The following MACF1 variants were observed in gnomAD, a reference collection of about 807,000 sequenced individuals.
The protein encoded by MACF1 is microtubule actin crosslinking factor 1.
MACF1 carries 193 observed loss-of-function variants against 854.8 expected under a neutral mutation model. The ratio of observed to expected loss-of-function variants is 0.23; its 90% CI spans 0.20 to 0.25. The LOEUF is 0.25. MACF1 is among the 10% of genes least tolerant of loss of function. The probability of loss-of-function intolerance (pLI) is 1.00; values close to 1 mark genes in which losing one functional copy is unlikely to be tolerated. For synonymous variants in MACF1, 3,185 were observed against 3,226.7 expected (o/e 0.99, Z 0.44); for missense variants, 7,722 against 8,929.1 (o/e 0.86, Z 5.45).
At chr1:39,211,806 G>T (rs900806133) in intron 1 of MACF1, among the ~76,000 whole-genome samples, 4 of 151,892 alleles carry the variant, frequency 2.6e-5, no homozygotes, top group Non-Finnish European at 4.4e-5. Flanking sequence ...GCTTGAACCC[G>T]AGAGGCAGAG....
intron 40 of MACF1, 39 bp from the exon 41 acceptor site, chr1:39,346,938 G>A (rs1236758422): frequency 7.6e-7 from 1 of 1,318,656 alleles, no homozygotes; most frequent in East Asian, 2.3e-5. Context: ...GAAGTATCAT[G>A]GTTTTTTGTG....
In MACF1 at chr1:39,318,484, C is replaced by T. The variant is rs761094407; in HGVS notation, c.3814C>T (p.Leu1272=). 1 of 1,613,932 alleles carries T rather than the reference C, an allele frequency of 6.2e-7. No individual in the cohort carries two copies. Among genetic ancestry groups the T allele is most frequent in the South Asian group, 1.1e-5 (1 of 91,052 alleles). The change falls in exon 30 of 101, where the codon CTG becomes TTG. Residue 1272 remains leucine, a synonymous_variant. Coordinates refer to ENST00000564288, the MANE Select transcript of MACF1 (RefSeq NM_001394062.1). ...TGAGCTAGAAAGTATCCAGGAAGTTCTGGGAGATTACCGAGCCTGCCATGG... is the reference window on the plus strand; with the variant it reads ...TGAGCTAGAAAGTATCCAGGAAGTTTTGGGAGATTACCGAGCCTGCCATGG... ...QSELESIQEV[L]GDYRACHGTL...
chr1:39,281,013 T>A (rs927818472), intron 6 of MACF1, among the ~76,000 whole-genome samples: 3 of 152,196 alleles, frequency 2.0e-5, no homozygotes, highest in Admixed American at 6.5e-5. Flanking sequence ...AACCCTGAGT[T>A]TGGGTTAGGT....
At chr1:39,192,852 C>T (rs1231370935) in intron 2 of MACF1, among the ~76,000 whole-genome samples, 1 of 152,156 alleles carries the variant, frequency 6.6e-6, no homozygotes, top group African/African-American at 2.4e-5. Context: ...GGGCGAAGCG[C>T]AGTGGCTCAT....
chr1:39,311,015 C>T lies in MACF1; in HGVS notation c.3270+15C>T. ...CAGAGCAAGAGGTAAGCCCTAAGAG[C>T]CATGTGGATGCTGGTTGTGGAGTGA... On this transcript the variant is annotated intron_variant, in intron 26 of 100. Coordinates refer to ENST00000564288, the MANE Select transcript of MACF1 (RefSeq NM_001394062.1). 1 of 1,604,598 alleles carries T rather than the reference C, an allele frequency of 6.2e-7. No homozygotes were observed. Among genetic ancestry groups the T allele is most frequent in the Non-Finnish European group, 8.5e-7 (1 of 1,175,722 alleles).
chr1:39,477,329 A>G (rs1395854534), intron 97 of MACF1, among the ~76,000 whole-genome samples: 2 of 151,738 alleles, frequency 1.3e-5, no homozygotes, highest in South Asian at 2.1e-4. Flanking sequence ...GGCTCAAGCA[A>G]TCCTCCCACC....
chr1:39,455,617 T>C (rs1048719845), intron 89 of MACF1, among the ~76,000 whole-genome samples: 10 of 152,164 alleles, frequency 6.6e-5, no homozygotes, highest in African/African-American at 2.4e-4. Flanking sequence ...GGGGATTACA[T>C]AGAGTGTGCA....
rs534856376 is a variant in MACF1 at position 39,340,947 on chromosome 1, G to A, written c.10575G>A (p.Gln3525=). 1.9e-6 allele frequency: 3 copies of A among 1,602,428 alleles called. No individual in the cohort carries two copies. Among genetic ancestry groups the A allele is most frequent in the African/African-American group, 1.3e-5 (1 of 74,338 alleles). The change falls in exon 40 of 101, where the codon CAG becomes CAA. Residue 3525 remains glutamine, a synonymous_variant. Transcript: ENST00000564288. ...DVDSLNLCLQ[Q]YEDLKQPMAE... is the part of the protein sequence containing the mutation. ...ACAGCCTGAACCTCTGCCTCCAACA[G>A]TATGAGGTAAACTCAAGCACATTTT...
chr1:39,479,245 C>A (rs1326620805), intron 97 of MACF1, among the ~76,000 whole-genome samples: 2 of 152,184 alleles, frequency 1.3e-5, no homozygotes, highest in Non-Finnish European at 2.9e-5. Context: ...TCCCCACCGA[C>A]ATGTTTACTT....
intron 2 of MACF1, among the ~76,000 whole-genome samples, chr1:39,160,765 T>C (rs1643782176): frequency 1.3e-5 from 2 of 152,206 alleles, no homozygotes; most frequent in Non-Finnish European, 2.9e-5. Context: ...GGCAGAGAGT[T>C]AGATACAAAC....
chr1:39,190,977 A>G (rs1007600054), intron 2 of MACF1, among the ~76,000 whole-genome samples: 1 of 152,144 alleles, frequency 6.6e-6, no homozygotes, highest in African/African-American at 2.4e-5. Context: ...TGAGTGACAG[A>G]GTGAGACTGT....
intron 60 of MACF1, among the ~76,000 whole-genome samples, chr1:39,423,565 G>A (rs989268160): frequency 2.7e-5 from 4 of 150,900 alleles, no homozygotes; most frequent in Admixed American, 6.6e-5. Flanking sequence ...AACCTGGGAG[G>A]CGGAGCTTGC....
At chr1:39,154,894 C>T (rs973537386) in intron 2 of MACF1, among the ~76,000 whole-genome samples, 2 of 152,076 alleles carry the variant, frequency 1.3e-5, no homozygotes, top group South Asian at 2.1e-4. Context: ...GCTTTTTTTC[C>T]GCTTTGTCAG....
intron 2 of MACF1, among the ~76,000 whole-genome samples, chr1:39,147,070 T>C (rs951593156): frequency 5.3e-5 from 8 of 149,652 alleles, no homozygotes; most frequent in Non-Finnish European, 4.5e-5. Flanking sequence ...TCCTCCTCCT[T>C]CTCTCTCTTC....
intron 2 of MACF1, among the ~76,000 whole-genome samples, chr1:39,129,362 C>T (rs1557471335): frequency 6.6e-6 from 1 of 152,184 alleles, no homozygotes; most frequent in Non-Finnish European, 1.5e-5. Context: ...TTATTAAAAA[C>T]ATAAATATTA....
In MACF1 at chr1:39,105,381, C is replaced by T. The variant is rs1642202061; in HGVS notation, c.220+20943C>T. 1.0e-6 allele frequency: 1 copy of T among 985,280 alleles called. No homozygotes were observed. The highest frequency in any genetic ancestry group is 1.8e-5 in the African/African-American group (1 of 56,982). 61.0% of individuals were successfully genotyped at this position (985,280 alleles called of 1,614,324 possible). A position where few individuals can be genotyped will look rare whatever the true frequency, so the allele number is the denominator to read the frequency against. Reference sequence around the variant, plus strand: ...GGGCGGGCTGAGGGAGGAGCGGAGCCGAGGGGTGAGGACGCGGAAACGCGA... The same window carrying T: ...GGGCGGGCTGAGGGAGGAGCGGAGCTGAGGGGTGAGGACGCGGAAACGCGA... On this transcript the variant is annotated intron_variant, in intron 2 of 93. Coordinates refer to the MACF1 transcript ENST00000361689. The surrounding 1 kb of genome is among the most constrained non-coding windows in gnomAD (Gnocchi z 5.9).
intron 24 of MACF1, among the ~76,000 whole-genome samples, chr1:39,309,904 A>T (rs905979087): frequency 6.6e-6 from 1 of 152,224 alleles, no homozygotes; most frequent in Non-Finnish European, 1.5e-5. Context: ...AATAAGTAAC[A>T]TCTTTGGTCT....
chr1:39,292,141 A>C, intron 16 of MACF1, 103 bp downstream of exon 16: 1 of 1,344,834 alleles, frequency 7.4e-7, no homozygotes, highest in Non-Finnish European at 1.0e-6. Flanking sequence ...GGTGCTCTGG[A>C]AAAGAATAAT....
At chr1:39,125,083 G>A (rs945138687) in intron 2 of MACF1, among the ~76,000 whole-genome samples, 1 of 152,054 alleles carries the variant, frequency 6.6e-6, no homozygotes, top group African/African-American at 2.4e-5. Context: ...TAAAAATGGA[G>A]GGATTATCAA....
Sources: gnomAD v4.1 joint callset for allele counts (sites outside exome capture counted in the v4.1 genomes callset) on GRCh38, gnomAD v4.1.1 for gene constraint, Gnocchi (gnomAD v3.1) non-coding constraint, MANE v1.5 for transcripts, NCBI Gene and HGNC (gene_info 2026-07-23, HGNC 2026-07-21) for gene names.